The following CD96 variants were observed in gnomAD, a reference collection of about 807,000 sequenced individuals.
CD96 encodes CD96 molecule.
In CD96, 70 loss-of-function variants were observed where a neutral mutation model predicts 71.3. That is an observed-to-expected ratio of 0.98 (90% CI 0.81 to 1.20). The LOEUF (loss-of-function observed/expected upper bound fraction) is 1.20, where lower values mean the gene tolerates loss of function less well. Among genes scored for constraint, CD96 ranks in the 50% most tolerant of loss-of-function variants. CD96 has a pLI of 0.00. For synonymous variants in CD96, 248 were observed against 233.0 expected, an observed-to-expected ratio of 1.06 and a Z score of -0.59; for missense variants, 742 against 677.5, an observed-to-expected ratio of 1.10 and a Z score of -1.06.
rs866655228 is a variant in CD96, at chr3:111,552,578, A to G, written c.418+7176A>G. On this transcript the variant is annotated intron_variant, in intron 2 of 13. Transcript: ENST00000352690. Reference sequence around the variant, plus strand: ...TTGTGGTCCATGTAGTCTCTGTCACAACTACTCAACTCTACCACTGTTGCA... The same window carrying G: ...TTGTGGTCCATGTAGTCTCTGTCACGACTACTCAACTCTACCACTGTTGCA... 4.1e-4 allele frequency among the ~76,000 whole-genome samples: 62 copies of G among 152,220 alleles called. 1 individual carries two copies. Among genetic ancestry groups the G allele is most frequent in the Admixed American group, 2.7e-3 (42 of 15,308 alleles).
chr3:111,590,434 A>G (rs1156442780), intron 5 of CD96, among the ~76,000 whole-genome samples: 1 of 152,220 alleles, frequency 6.6e-6, no homozygotes, highest in Non-Finnish European at 1.5e-5. Flanking sequence ...CAGTGTGGAA[A>G]TACTCTGGGG....
chr3:111,611,297 G>A (rs989320731), intron 8 of CD96, among the ~76,000 whole-genome samples: 1 of 152,170 alleles, frequency 6.6e-6, no homozygotes, highest in Admixed American at 6.5e-5. Flanking sequence ...ACATTGAGGG[G>A]CACAGGGTAA....
At chr3:111,563,181 C>T (rs918788204) in intron 2 of CD96, among the ~76,000 whole-genome samples, 7 of 152,346 alleles carry the variant, frequency 4.6e-5, no homozygotes, top group African/African-American at 1.4e-4. Context: ...CCTTCTAATA[C>T]TGACACAATG....
chr3:111,636,190 T>C (rs912513300), intron 10 of CD96, among the ~76,000 whole-genome samples: 16 of 152,196 alleles, frequency 1.1e-4, no homozygotes, highest in Admixed American at 9.2e-4. Context: ...CTATGACAAA[T>C]TGTCCTGTAA....
chr3:111,609,584 G>C (rs1937801359), intron 8 of CD96, among the ~76,000 whole-genome samples: 1 of 152,168 alleles, frequency 6.6e-6, no homozygotes, highest in Non-Finnish European at 1.5e-5. Context: ...CAATTCTTCT[G>C]TGACAAAATT....
chr3:111,577,376 G>T, intron 3 of CD96: 1 of 783,616 alleles, frequency 1.3e-6, no homozygotes. Context: ...CTCCAGACTT[G>T]CCAGTGCTGA....
rs142714138 is a variant in CD96 at position 111,623,950 on chromosome 3, T to C, written c.1249+128T>C. 75 of 737,780 alleles carry C rather than the reference T, an allele frequency of 1.0e-4. No homozygotes were observed. The African/African-American group carries it at 1.1e-3, about 11-fold the overall frequency. The allele number at this position is 737,780 out of a possible 1,614,324, so 45.7% of individuals were successfully genotyped here. A position where few individuals can be genotyped will look rare whatever the true frequency, so the allele number is the denominator to read the frequency against. ...TTTCATTTGATGTTTGTTAATATCT[T>C]GGTTTTGGGTTACTCTGCGGTGACT... On this transcript the variant is annotated intron_variant, in intron 9 of 13. Coordinates refer to ENST00000352690, the MANE Select transcript of CD96 (RefSeq NM_005816.5).
chr3:111,620,007 G>T (rs904794625), intron 8 of CD96, among the ~76,000 whole-genome samples: 7 of 152,278 alleles, frequency 4.6e-5, no homozygotes, highest in African/African-American at 1.7e-4. Flanking sequence ...GCTTGTAAAA[G>T]CCCAGCCCTG....
At chr3:111,570,630 G>A in intron 3 of CD96, 2 of 1,596,772 alleles carry the variant, frequency 1.3e-6, no homozygotes, top group Non-Finnish European at 8.6e-7. Context: ...CAGGCGCATG[G>A]CAGCTCACAC....
At chr3:111,564,602 T>G (rs1407524549) in intron 2 of CD96, among the ~76,000 whole-genome samples, 1 of 152,218 alleles carries the variant, frequency 6.6e-6, no homozygotes, top group Non-Finnish European at 1.5e-5. Flanking sequence ...TAGCTCATTT[T>G]GAATAATTTG....
intron 10 of CD96, among the ~76,000 whole-genome samples, chr3:111,632,460 CA>C (rs751197053): frequency 2.0e-5 from 3 of 152,044 alleles, no homozygotes; most frequent in Non-Finnish European, 2.9e-5. Flanking sequence ...ACTAAATAGT[CA>C]AAAAACAACA....
At chr3:111,615,194 G>A (rs1156919196) in intron 8 of CD96, among the ~76,000 whole-genome samples, 1 of 152,240 alleles carries the variant, frequency 6.6e-6, no homozygotes, top group East Asian at 1.9e-4. Flanking sequence ...AGGAAATACA[G>A]TGAAAATGAA....
chr3:111,599,739 T>C (rs1472286371), intron 6 of CD96, among the ~76,000 whole-genome samples: 2 of 152,034 alleles, frequency 1.3e-5, no homozygotes, highest in Non-Finnish European at 2.9e-5. Flanking sequence ...AAAAAAGTTA[T>C]TATAAATTTA....
chr3:111,588,931 G>C (rs559099037), intron 5 of CD96, among the ~76,000 whole-genome samples: 216 of 151,448 alleles, frequency 1.4e-3, no homozygotes, highest in African/African-American at 5.0e-3. Flanking sequence ...GCTTTTGGTA[G>C]GTGTTTTTGT....
chr3:111,546,436 G>A (rs946027157), intron 2 of CD96, among the ~76,000 whole-genome samples: 4 of 152,196 alleles, frequency 2.6e-5, no homozygotes, highest in Non-Finnish European at 5.9e-5. Context: ...TTAGAAGTGG[G>A]AATCCTAGAT....
intron 4 of CD96, among the ~76,000 whole-genome samples, chr3:111,581,352 T>C (rs1293013684): frequency 6.6e-6 from 1 of 152,230 alleles, no homozygotes; most frequent in Non-Finnish European, 1.5e-5. Context: ...ACATATCTTA[T>C]AAGAACCTAC....
At chr3:111,568,439 G>C (rs1935824922) in intron 3 of CD96, among the ~76,000 whole-genome samples, 1 of 152,192 alleles carries the variant, frequency 6.6e-6, no homozygotes, top group African/African-American at 2.4e-5. Flanking sequence ...CACTTTGGCA[G>C]TTATGGTGGG....
chr3:111,641,139 T>G (rs1939570915), intron 12 of CD96, among the ~76,000 whole-genome samples: 1 of 152,198 alleles, frequency 6.6e-6, no homozygotes, highest in Non-Finnish European at 1.5e-5. Context: ...CAATGGTACC[T>G]CATATTTCAA....
At chr3:111,636,874 A>AT (rs150872200) in intron 10 of CD96, among the ~76,000 whole-genome samples, 1,860 of 146,938 alleles carry the variant, frequency 0.013, 37 homozygotes, top group African/African-American at 0.038. Context: ...ATTCTCTTCC[A>AT]TTTTTTTTTT....
Sources: gnomAD v4.1 joint callset for allele counts (sites outside exome capture counted in the v4.1 genomes callset) on GRCh38, gnomAD v4.1.1 for gene constraint, MANE v1.5 for transcripts, NCBI Gene and HGNC (gene_info 2026-07-23, HGNC 2026-07-21) for gene names.